TAF2: variants seen among roughly 807,000 people sequenced by gnomAD.
TAF2 encodes transcription initiation factor TFIID subunit 2.
In TAF2, 61 loss-of-function variants were observed where a neutral mutation model predicts 138.5. The observed-to-expected ratio is 0.44, with a 90% CI of 0.36 to 0.54. TAF2 has a LOEUF of 0.54. TAF2 is among the 20% of genes least tolerant of loss of function. TAF2 has a pLI of 0.00. For synonymous variants in TAF2, 475 were observed against 469.9 expected (o/e 1.01, Z -0.14); for missense variants, 1,090 against 1,427.9 (o/e 0.76, Z 3.81).
chr8:119,815,420 G>A (rs4871640), intron 3 of TAF2, among the ~76,000 whole-genome samples: 41,073 of 151,080 alleles, frequency 0.27, 6,821 homozygotes, highest in Admixed American at 0.46. Flanking sequence ...GACTACAGGC[G>A]CCTGCCACCA....
rs769226911 is a variant in TAF2, at chr8:119,806,344, A to G, written c.357T>C (p.Pro119=). The stretch of plus-strand genomic sequence containing the variant: ...TGCAAAGTTCTCCATTTCCTGCATC[A>G]GGGTCCACAGCACTAACTGCAGCTG... ...AYAAAVSAVD[P]DAGNGELCIK... The change falls in exon 4 of 26, where the codon CCT becomes CCC. Residue 119 remains proline (P), a synonymous_variant. Coordinates refer to ENST00000378164, the MANE Select transcript of TAF2 (RefSeq NM_003184.4). 1 of 1,614,150 alleles carries G rather than the reference A, an allele frequency of 6.2e-7. No individual in the cohort carries two copies. Among genetic ancestry groups the G allele is most frequent in the South Asian group, 1.1e-5 (1 of 91,080 alleles).
chr8:119,742,485 A>G (rs1376314573), intron 25 of TAF2, 49 bp downstream of exon 25: 1 of 1,595,758 alleles, frequency 6.3e-7, no homozygotes, highest in Non-Finnish European at 8.6e-7. Flanking sequence ...TTACATTTAT[A>G]GATTTGTTCT....
chr8:119,802,796 C>T (rs1049772697), intron 5 of TAF2, among the ~76,000 whole-genome samples: 1 of 152,162 alleles, frequency 6.6e-6, no homozygotes, highest in African/African-American at 2.4e-5. Flanking sequence ...CCTGTAATCC[C>T]AGCTACTCCA....
At chr8:119,758,039 C>A (rs776991750) in intron 21 of TAF2, 34 bp downstream of exon 21, 10 of 1,578,992 alleles carry the variant, frequency 6.3e-6, no homozygotes, top group Non-Finnish European at 8.7e-6. Context: ...ATAGGACTTA[C>A]AAAATATCAT....
At chr8:119,780,986 T>C (rs2131133115) in intron 17 of TAF2, 67 bp downstream of exon 17, 8 of 1,475,658 alleles carry the variant, frequency 5.4e-6, no homozygotes, top group Non-Finnish European at 5.5e-6. Context: ...ACATCTATTA[T>C]TTGAACAGTC....
intron 3 of TAF2, among the ~76,000 whole-genome samples, chr8:119,816,592 T>C (rs1825493822): frequency 6.6e-6 from 1 of 152,228 alleles, no homozygotes; most frequent in African/African-American, 2.4e-5. Context: ...AAAGTTATTT[T>C]AGAAATAAGT....
At chr8:119,740,393 G>A (rs1460820287) in intron 25 of TAF2, among the ~76,000 whole-genome samples, 1 of 150,666 alleles carries the variant, frequency 6.6e-6, no homozygotes. Context: ...GGTGGCTCAC[G>A]CCTGTGATCC....
intron 18 of TAF2, among the ~76,000 whole-genome samples, chr8:119,774,408 T>G (rs527531907): frequency 6.6e-5 from 10 of 152,272 alleles, no homozygotes; most frequent in African/African-American, 2.2e-4. Flanking sequence ...TACACCAAGC[T>G]TATTCAACAC....
rs766557710 is a variant in TAF2, at chr8:119,806,452, A to G, written c.300-51T>C. Reference sequence around the variant, plus strand: ...TAATAATAAGCCATGTATCTTACCAAGCATTTTTCTTTCTTTCTTTTTTTT... The same window carrying G: ...TAATAATAAGCCATGTATCTTACCAGGCATTTTTCTTTCTTTCTTTTTTTT... On this transcript the variant is annotated intron_variant, in intron 3 of 25. Coordinates refer to ENST00000378164, the MANE Select transcript of TAF2 (RefSeq NM_003184.4). 5.2e-6 allele frequency: 7 copies of G among 1,359,094 alleles called. No individual in the cohort carries two copies. The East Asian group carries it at 1.4e-4, about 27-fold the overall frequency. The allele number at this position is 1,359,094 out of a possible 1,614,324, so 84.2% of individuals were successfully genotyped here. A position where few individuals can be genotyped will look rare whatever the true frequency, so the allele number is the denominator to read the frequency against.
At chr8:119,776,847 T>C (rs1051354405) in intron 18 of TAF2, among the ~76,000 whole-genome samples, 2 of 152,144 alleles carry the variant, frequency 1.3e-5, no homozygotes, top group African/African-American at 4.8e-5. Flanking sequence ...ACTACTTCTA[T>C]ACAAAACTTC....
chr8:119,805,874 C>A (rs1824599460), intron 4 of TAF2, among the ~76,000 whole-genome samples: 1 of 151,480 alleles, frequency 6.6e-6, no homozygotes. Context: ...ACAATTTTGA[C>A]ATCGTTAATG....
intron 2 of TAF2, among the ~76,000 whole-genome samples, chr8:119,824,370 A>C (rs1178376004): frequency 6.6e-6 from 1 of 151,740 alleles, no homozygotes; most frequent in Non-Finnish European, 1.5e-5. Context: ...TGGAGGTTGC[A>C]GCGAGCTGAG....
chr8:119,786,200 G>A (rs1292530103), intron 14 of TAF2, among the ~76,000 whole-genome samples: 1 of 152,008 alleles, frequency 6.6e-6, no homozygotes, highest in Non-Finnish European at 1.5e-5. Context: ...GGTAAATGAA[G>A]AATATATTAA....
At chr8:119,789,445 A>G (rs1823263358) in intron 12 of TAF2, 147 bp downstream of exon 12, 4 of 965,128 alleles carry the variant, frequency 4.1e-6, no homozygotes, top group Non-Finnish European at 6.4e-6. Context: ...AACAATTCAC[A>G]GTTCATCATT....
chr8:119,790,799 C>G (rs914335213), intron 11 of TAF2, among the ~76,000 whole-genome samples: 2 of 148,978 alleles, frequency 1.3e-5, no homozygotes, highest in Non-Finnish European at 3.0e-5. Context: ...CCCCACAATT[C>G]TAGTTTTTTT....
intron 25 of TAF2, among the ~76,000 whole-genome samples, chr8:119,733,798 C>A (rs537609827): frequency 6.0e-5 from 9 of 149,844 alleles, no homozygotes; most frequent in African/African-American, 2.2e-4. Context: ...CCATCCTAAT[C>A]CTGTCTGCAA....
intron 25 of TAF2, among the ~76,000 whole-genome samples, chr8:119,740,662 C>CA (rs773347068): frequency 0.14 from 7,190 of 51,058 alleles, 347 homozygotes; most frequent in South Asian, 0.23. Flanking sequence ...GAGACTGTCT[C>CA]AAAAAAAAAA....
At chr8:119,771,607 T>C (rs1339995500) in intron 18 of TAF2, among the ~76,000 whole-genome samples, 1 of 152,006 alleles carries the variant, frequency 6.6e-6, no homozygotes, top group African/African-American at 2.4e-5. Flanking sequence ...AGAAGCAAAA[T>C]GAAAGGCATT....
At chr8:119,748,604 A>G (rs1042628274) in intron 22 of TAF2, among the ~76,000 whole-genome samples, 6 of 152,150 alleles carry the variant, frequency 3.9e-5, no homozygotes, top group African/African-American at 1.4e-4. Context: ...CAAGAATTTT[A>G]CACTGGAAAC....
Sources: allele counts gnomAD v4.1 joint callset (sites outside exome capture counted in the v4.1 genomes callset), GRCh38; gene constraint gnomAD v4.1.1; transcripts MANE v1.5; gene names NCBI Gene and HGNC (gene_info 2026-07-23, HGNC 2026-07-21).